The following LOC128125817 variants were observed in gnomAD, a reference collection of about 807,000 sequenced individuals.
the LOC128125817 span, among the ~76,000 whole-genome samples, chr1:41,624,213 A>G: frequency 2.6e-5 from 4 of 152,186 alleles, no homozygotes; most frequent in South Asian, 8.3e-4. Flanking sequence ...TGGCCCCTCC[A>G]TTATCCTCCA....
the LOC128125817 span, among the ~76,000 whole-genome samples, chr1:41,592,114 G>T: frequency 1.3e-5 from 2 of 152,156 alleles, no homozygotes; most frequent in South Asian, 4.1e-4. Context: ...CTCACCACAG[G>T]CAGCCGGCTG....
the LOC128125817 span, among the ~76,000 whole-genome samples, chr1:41,610,888 C>T: frequency 6.1e-3 from 931 of 152,320 alleles, 5 homozygotes; most frequent in African/African-American, 0.022. Flanking sequence ...CCTTCTTAAA[C>T]TTGCCCTGAG....
the LOC128125817 span, among the ~76,000 whole-genome samples, chr1:41,610,647 G>A: frequency 6.6e-6 from 1 of 152,188 alleles, no homozygotes; most frequent in Non-Finnish European, 1.5e-5. Flanking sequence ...GGTGAGGAGA[G>A]GACCCCACAG....
the LOC128125817 span, among the ~76,000 whole-genome samples, chr1:41,610,405 C>T: frequency 4.6e-5 from 7 of 152,244 alleles, no homozygotes; most frequent in African/African-American, 1.7e-4. Context: ...AGGAGCCAGT[C>T]TCATTCACCA....
At chr1:41,603,260 G>A in the LOC128125817 span, among the ~76,000 whole-genome samples, 1 of 151,940 alleles carries the variant, frequency 6.6e-6, no homozygotes, top group Non-Finnish European at 1.5e-5. Flanking sequence ...TAGCGATGTG[G>A]TTTCACCATG....
At chr1:41,627,984 C>A in the LOC128125817 span, among the ~76,000 whole-genome samples, 1 of 149,774 alleles carries the variant, frequency 6.7e-6, no homozygotes, top group African/African-American at 2.4e-5. Flanking sequence ...GAGAAAACAT[C>A]CAAGGACTTG....
chr1:41,616,353 C>T, the LOC128125817 span, among the ~76,000 whole-genome samples: 2 of 152,310 alleles, frequency 1.3e-5, no homozygotes, highest in East Asian at 3.9e-4. Flanking sequence ...AAGGACGTGT[C>T]TTGGCATGTA....
At chr1:41,607,879 T>G in the LOC128125817 span, among the ~76,000 whole-genome samples, 7 of 152,198 alleles carry the variant, frequency 4.6e-5, no homozygotes, top group African/African-American at 1.7e-4. Context: ...TCTTCTGATA[T>G]CCACAGCACA....
At chr1:41,624,214 T>C in the LOC128125817 span, among the ~76,000 whole-genome samples, 1 of 152,164 alleles carries the variant, frequency 6.6e-6, no homozygotes, top group African/African-American at 2.4e-5. Context: ...GGCCCCTCCA[T>C]TATCCTCCAG....
the LOC128125817 span, among the ~76,000 whole-genome samples, chr1:41,608,315 G>A: frequency 6.6e-6 from 1 of 152,210 alleles, no homozygotes; most frequent in Non-Finnish European, 1.5e-5. Context: ...TGGGCATAAT[G>A]CTATACTTCA....
the LOC128125817 span, among the ~76,000 whole-genome samples, chr1:41,596,004 T>C: frequency 6.6e-6 from 1 of 152,134 alleles, no homozygotes; most frequent in Non-Finnish European, 1.5e-5. Context: ...CCCTGACTAA[T>C]ACAAGGTTCA....
At chr1:41,619,569 G>C in the LOC128125817 span, among the ~76,000 whole-genome samples, 1 of 152,128 alleles carries the variant, frequency 6.6e-6, no homozygotes, top group African/African-American at 2.4e-5. Context: ...GTCTAAGTAG[G>C]GCCGAAGGTA....
chr1:41,592,047 G>A, the LOC128125817 span, among the ~76,000 whole-genome samples: 1 of 152,210 alleles, frequency 6.6e-6, no homozygotes, highest in South Asian at 2.1e-4. Context: ...CTGGGCTGCA[G>A]GTGGGACAGT....
chr1:41,611,815 T>G, the LOC128125817 span, among the ~76,000 whole-genome samples: 1 of 152,134 alleles, frequency 6.6e-6, no homozygotes, highest in African/African-American at 2.4e-5. Context: ...TTCACTAGAG[T>G]TGGGTTTCGG....
chr1:41,600,534 G>A, the LOC128125817 span, among the ~76,000 whole-genome samples: 2 of 152,158 alleles, frequency 1.3e-5, no homozygotes, highest in Non-Finnish European at 2.9e-5. Flanking sequence ...AAAGTCAACT[G>A]GTGGTTGCCA....
chr1:41,620,741 C>G, the LOC128125817 span, among the ~76,000 whole-genome samples: 3 of 152,162 alleles, frequency 2.0e-5, no homozygotes, highest in African/African-American at 7.2e-5. Context: ...AGTGCTACCT[C>G]TAAACTCCAC....
the LOC128125817 span, among the ~76,000 whole-genome samples, chr1:41,614,686 T>A: frequency 6.6e-6 from 1 of 151,920 alleles, no homozygotes; most frequent in South Asian, 2.1e-4. Flanking sequence ...CCAGGGGAAA[T>A]GAAAGACCAG....
chr1:41,621,619 A>G, the LOC128125817 span, among the ~76,000 whole-genome samples: 5 of 152,368 alleles, frequency 3.3e-5, no homozygotes, highest in African/African-American at 1.2e-4. Flanking sequence ...GGCTCAAGCC[A>G]TCCACCCGCT....
chr1:41,619,481 C>T, the LOC128125817 span, among the ~76,000 whole-genome samples: 1 of 152,214 alleles, frequency 6.6e-6, no homozygotes. Context: ...ATATGTTTGT[C>T]TATTTCCCTA....
Sources: allele counts gnomAD v4.1 joint callset (sites outside exome capture counted in the v4.1 genomes callset), GRCh38; gene constraint gnomAD v4.1.1; transcripts MANE v1.5.